IQCJ: variants seen among roughly 807,000 people sequenced by gnomAD.
IQCJ encodes the protein IQ domain-containing protein J.
In IQCJ, 9 loss-of-function variants were observed where a neutral mutation model predicts 11.0. The observed-to-expected ratio is 0.82, with a 90% confidence interval of 0.49 to 1.43. IQCJ has a LOEUF of 1.43. IQCJ is among the 40% of genes most tolerant of loss of function. The pLI is 0.00. For synonymous variants in IQCJ, 55 were observed against 51.3 expected, an observed-to-expected ratio of 1.07 and a Z score of -0.31; for missense variants, 146 against 133.2, an observed-to-expected ratio of 1.10 and a Z score of -0.47.
rs556039430 is a variant in IQCJ, at chr3:159,071,382, A to G, written c.9+1941A>G. The stretch of plus-strand genomic sequence containing the variant: ...CATTTCCAATGTTGTAAATGAACCT[A>G]AGATTGTGTCTTATTCAATGTAGGA... On this transcript the variant is annotated intron_variant, in intron 1 of 3. Transcript: ENST00000397832. Among the ~76,000 whole-genome samples, 4 of 152,130 alleles carry G rather than the reference A, an allele frequency of 2.6e-5. No individual in the cohort carries two copies. In the East Asian group the frequency reaches 7.8e-4, roughly 29 times the overall value.
At chr3:159,168,980 A>ATGT (rs1310171839) in intron 1 of IQCJ, among the ~76,000 whole-genome samples, 2 of 151,780 alleles carry the variant, frequency 1.3e-5, no homozygotes, top group African/African-American at 4.8e-5. Context: ...GATGATGATG[A>ATGT]TGATGATGAT....
chr3:159,126,958 A>G (rs1230309835), intron 1 of IQCJ, among the ~76,000 whole-genome samples: 1 of 152,210 alleles, frequency 6.6e-6, no homozygotes, highest in Non-Finnish European at 1.5e-5. Flanking sequence ...GGTGGTTGAC[A>G]TCCCCTTGCT....
chr3:159,171,032 C>T (rs1471699522), intron 1 of IQCJ, among the ~76,000 whole-genome samples: 4 of 152,018 alleles, frequency 2.6e-5, no homozygotes, highest in Non-Finnish European at 4.4e-5. Context: ...ATTTAGTAAT[C>T]GGCCAATTCT....
intron 1 of IQCJ, among the ~76,000 whole-genome samples, chr3:159,111,593 G>A (rs1356337711): frequency 1.3e-5 from 2 of 152,042 alleles, no homozygotes; most frequent in African/African-American, 2.4e-5. Context: ...TCCTGTGGGC[G>A]CCAAATGATC....
chr3:159,118,685 T>G (rs1345442252), intron 1 of IQCJ, among the ~76,000 whole-genome samples: 1 of 152,200 alleles, frequency 6.6e-6, no homozygotes, highest in Non-Finnish European at 1.5e-5. Flanking sequence ...GACCTCAGCT[T>G]CTGTGTAGGT....
intron 1 of IQCJ, among the ~76,000 whole-genome samples, chr3:159,180,005 A>G (rs1397502286): frequency 6.6e-6 from 1 of 152,202 alleles, no homozygotes; most frequent in Non-Finnish European, 1.5e-5. Context: ...GAGGGTGAGC[A>G]TATGTGCTTT....
chr3:159,138,375 C>T lies in IQCJ; in HGVS notation c.9+68934C>T, dbSNP rs564826634. ...AGTCCTTTGGAGTTCATGTTACTAT[C>T]CTCCTTTTCATAGCTAAAAAAACCC... is the stretch of plus-strand genomic sequence containing the variant. On this transcript the variant is annotated intron_variant, in intron 1 of 3. Transcript: ENST00000397832. 2.2e-4 allele frequency among the ~76,000 whole-genome samples: 34 copies of T among 152,274 alleles called. No individual in the cohort carries two copies. In the South Asian group the frequency reaches 7.0e-3, roughly 32 times the overall value.
chr3:159,133,944 T>A (rs1720141961), intron 1 of IQCJ, among the ~76,000 whole-genome samples: 1 of 151,654 alleles, frequency 6.6e-6, no homozygotes, highest in African/African-American at 2.4e-5. Context: ...GCAATCAAGG[T>A]ATCCACCAGG....
chr3:159,252,627 C>G (rs1292700060), intron 2 of IQCJ, 100 bp from the exon 3 acceptor site: 2 of 1,039,798 alleles, frequency 1.9e-6, no homozygotes, highest in Non-Finnish European at 2.6e-6. Context: ...AAAATTGAAT[C>G]TACATCTTAT....
chr3:159,109,744 C>T (rs1718508669), intron 1 of IQCJ, among the ~76,000 whole-genome samples: 1 of 151,952 alleles, frequency 6.6e-6, no homozygotes, highest in African/African-American at 2.4e-5. Flanking sequence ...GGGATTGGGA[C>T]ACATGGACTG....
intron 1 of IQCJ, among the ~76,000 whole-genome samples, chr3:159,113,461 C>T (rs1718759045): frequency 6.6e-6 from 1 of 152,218 alleles, no homozygotes; most frequent in African/African-American, 2.4e-5. Flanking sequence ...ACATATGAGC[C>T]TTGTGACAGC....
intron 1 of IQCJ, among the ~76,000 whole-genome samples, chr3:159,189,670 G>A (rs1440566861): frequency 1.3e-5 from 2 of 151,898 alleles, no homozygotes; most frequent in African/African-American, 4.8e-5. Flanking sequence ...TTGGTGTTTA[G>A]TCTTTGCCAA....
chr3:159,222,462 G>C (rs1398060677), intron 1 of IQCJ, among the ~76,000 whole-genome samples: 3 of 152,120 alleles, frequency 2.0e-5, no homozygotes, highest in Admixed American at 6.5e-5. Context: ...ACTTCTGCAG[G>C]TTTCCCTTTC....
intron 1 of IQCJ, among the ~76,000 whole-genome samples, chr3:159,160,462 C>G (rs4680492): frequency 0.18 from 26,953 of 151,518 alleles, 2,474 homozygotes; most frequent in Admixed American, 0.21. Context: ...GCCATCACGC[C>G]CAGCTGATTT....
intron 1 of IQCJ, among the ~76,000 whole-genome samples, chr3:159,106,435 AG>A (rs1559987282): frequency 6.6e-6 from 1 of 152,234 alleles, no homozygotes; most frequent in East Asian, 1.9e-4. Flanking sequence ...GCTTAGCCTC[AG>A]AATACCTCAC....
intron 1 of IQCJ, among the ~76,000 whole-genome samples, chr3:159,146,807 C>A (rs1720948900): frequency 6.6e-6 from 1 of 152,214 alleles, no homozygotes; most frequent in African/African-American, 2.4e-5. Flanking sequence ...TCAGCTGTAT[C>A]TCCTCACTGA....
intron 3 of IQCJ, among the ~76,000 whole-genome samples, chr3:159,261,741 A>G (rs1231784512): frequency 2.6e-5 from 4 of 152,178 alleles, no homozygotes; most frequent in African/African-American, 7.2e-5. Flanking sequence ...CTTAGCTTAT[A>G]TTAAGAAGAG....
chr3:159,245,246 C>A (rs1727187263), intron 1 of IQCJ, among the ~76,000 whole-genome samples: 1 of 151,978 alleles, frequency 6.6e-6, no homozygotes, highest in Non-Finnish European at 1.5e-5. Context: ...TACCCAGCAA[C>A]CAGCAATGAC....
chr3:159,139,455 T>TGGTAAA (rs1720478691), intron 1 of IQCJ, among the ~76,000 whole-genome samples: 1 of 152,212 alleles, frequency 6.6e-6, no homozygotes, highest in African/African-American at 2.4e-5. Flanking sequence ...CCTGGTATTA[T>TGGTAAA]TTACACATAT....
Sources: gnomAD v4.1 joint callset for allele counts (sites outside exome capture counted in the v4.1 genomes callset) on GRCh38, gnomAD v4.1.1 for gene constraint, MANE v1.5 for transcripts, NCBI Gene and HGNC (gene_info 2026-07-23, HGNC 2026-07-21) for gene names.